The following CUL5 variants were observed in gnomAD, a reference collection of about 807,000 sequenced individuals.
The protein encoded by CUL5 is cullin-5.
CUL5 carries 26 observed loss-of-function variants against 108.8 expected under a neutral mutation model. That is an observed-to-expected ratio of 0.24 (90% CI 0.18 to 0.33). The LOEUF (loss-of-function observed/expected upper bound fraction) is 0.33. CUL5 is among the 10% of genes least tolerant of loss of function. The pLI, the probability that CUL5 is intolerant of heterozygous loss-of-function variation, is 1.00. For synonymous variants in CUL5, 334 were observed against 298.0 expected (o/e 1.12, Z -1.25); for missense variants, 524 against 909.2 (o/e 0.58, Z 5.45).
intron 16 of CUL5, among the ~76,000 whole-genome samples, chr11:108,096,599 T>C (rs1864505912): frequency 1.7e-5 from 2 of 118,192 alleles, no homozygotes; most frequent in East Asian, 2.7e-4. Flanking sequence ...TTTGAGACAC[T>C]CTTGTCGCTC....
intron 1 of CUL5, among the ~76,000 whole-genome samples, chr11:108,026,716 C>T (rs1314330921): frequency 3.9e-5 from 6 of 152,080 alleles, no homozygotes; most frequent in Non-Finnish European, 8.8e-5. Context: ...TTTGGCCAGG[C>T]GCAGTGGCTC....
chr11:108,075,343 A>C (rs913866713), intron 10 of CUL5, among the ~76,000 whole-genome samples: 2 of 152,168 alleles, frequency 1.3e-5, no homozygotes, highest in African/African-American at 4.8e-5. Flanking sequence ...TCACCTATCA[A>C]GTGTTGAGTT....
At chr11:108,046,126 G>A (rs1863061841) in intron 2 of CUL5, 144 bp from the exon 3 acceptor site, 5 of 474,222 alleles carry the variant, frequency 1.1e-5, no homozygotes, top group South Asian at 1.0e-4. Flanking sequence ...AATTACAAGC[G>A]TACTTGGTTT....
chr11:108,069,996 AT>A (rs975727844), intron 7 of CUL5, 99 bp from the exon 8 acceptor site: 3,102 of 590,040 alleles, frequency 5.3e-3, no homozygotes, highest in South Asian at 7.1e-3. Context: ...TTTCAGTATA[AT>A]TTTTTTTTTG....
At chr11:108,044,143 A>G (rs1448335350) in intron 2 of CUL5, among the ~76,000 whole-genome samples, 1 of 152,210 alleles carries the variant, frequency 6.6e-6, no homozygotes, top group Non-Finnish European at 1.5e-5. Flanking sequence ...AGATACCATT[A>G]TCAAGCTGAA....
chr11:108,022,934 T>C (rs1444002104), intron 1 of CUL5, among the ~76,000 whole-genome samples: 1 of 152,242 alleles, frequency 6.6e-6, no homozygotes, highest in East Asian at 1.9e-4. Flanking sequence ...TGAGAGCCTT[T>C]CTTGGATATA....
At chr11:108,015,725 G>A (rs890729529) in intron 1 of CUL5, among the ~76,000 whole-genome samples, 8 of 152,286 alleles carry the variant, frequency 5.3e-5, no homozygotes, top group African/African-American at 1.9e-4. Flanking sequence ...AATCTTTCAT[G>A]TTCTATGAAA....
rs755407863 is a variant in CUL5 at position 108,088,515 on chromosome 11, T to A, written c.1179-12T>A. The stretch of plus-strand genomic sequence containing the variant: ...TCATTTTTCCATCAACTGCTTTTAA[T>A]TTGTTTTTTAGGGTGGGATTAAAAA... On this transcript the variant is annotated splice_polypyrimidine_tract_variant and intron_variant, in intron 11 of 18. Transcript: ENST00000393094. 6.3e-7 allele frequency: 1 copy of A among 1,577,428 alleles called. No individual in the cohort carries two copies. Among genetic ancestry groups the A allele is most frequent in the Admixed American group, 2.1e-5 (1 of 47,956 alleles).
At chr11:108,075,393 A>G (rs757790820) in intron 10 of CUL5, among the ~76,000 whole-genome samples, 1 of 152,190 alleles carries the variant, frequency 6.6e-6, no homozygotes, top group Non-Finnish European at 1.5e-5. Context: ...GGCAACACAT[A>G]TTTCTGCAGT....
In CUL5 at chr11:108,068,314, TTTTTG is replaced by T. The variant is rs10691695; in HGVS notation, c.781-1760_781-1756del. Reference sequence around the variant, plus strand: ...GTAGAGGAGCCTGAAAAAACCTTTTTTTTTGTTTTGTTTTGTTTTGTTTTGTGACA... The same window carrying T: ...GTAGAGGAGCCTGAAAAAACCTTTTTTTTTGTTTTGTTTTGTTTTGTGACA... On this transcript the variant is annotated intron_variant, in intron 7 of 18. Transcript: ENST00000393094. Among the ~76,000 whole-genome samples, 15 of 152,046 alleles carry T rather than the reference TTTTTG, an allele frequency of 9.9e-5. No homozygotes were observed. In the South Asian group the frequency reaches 1.5e-3, roughly 15 times the overall value.
intron 4 of CUL5, among the ~76,000 whole-genome samples, chr11:108,052,350 T>C (rs1863248558): frequency 6.6e-6 from 1 of 152,176 alleles, no homozygotes; most frequent in Admixed American, 6.5e-5. Flanking sequence ...GGTCTTACTC[T>C]GTCACCCAGG....
intron 10 of CUL5, among the ~76,000 whole-genome samples, chr11:108,076,220 G>T (rs917624363): frequency 6.6e-5 from 10 of 151,924 alleles, no homozygotes; most frequent in African/African-American, 1.2e-4. Context: ...TTTTTGTAGA[G>T]ATGAGTTCTC....
intron 7 of CUL5, among the ~76,000 whole-genome samples, chr11:108,064,575 T>G (rs896295122): frequency 4.0e-5 from 6 of 151,854 alleles, no homozygotes; most frequent in African/African-American, 1.5e-4. Flanking sequence ...GCGGGCGAGG[T>G]GTCAGGTGCC....
At chr11:108,040,065 T>TTCTG (rs1378315584) in intron 2 of CUL5, among the ~76,000 whole-genome samples, 1 of 152,258 alleles carries the variant, frequency 6.6e-6, no homozygotes, top group Non-Finnish European at 1.5e-5. Context: ...TTCCTGTCGC[T>TTCTG]TCTGTCTGCC....
intron 10 of CUL5, among the ~76,000 whole-genome samples, chr11:108,077,819 C>T (rs764282689): frequency 6.6e-6 from 1 of 151,802 alleles, no homozygotes; most frequent in Non-Finnish European, 1.5e-5. Context: ...GTGGTGGGCA[C>T]CTATAATCCC....
chr11:108,022,304 G>A (rs1372907492), intron 1 of CUL5, among the ~76,000 whole-genome samples: 1 of 152,050 alleles, frequency 6.6e-6, no homozygotes, highest in Non-Finnish European at 1.5e-5. Flanking sequence ...ATTTAAAAAT[G>A]ATTCTATTGA....
chr11:108,073,201 C>CAAA (rs371051952), intron 9 of CUL5, among the ~76,000 whole-genome samples, 189 bp from the exon 10 acceptor site: 1 of 100,346 alleles, frequency 1.0e-5, no homozygotes, highest in Non-Finnish European at 2.1e-5. Flanking sequence ...GACTCCGTCT[C>CAAA]AAAAAAAAAA....
At chr11:108,020,668 C>T (rs1862307275) in intron 1 of CUL5, among the ~76,000 whole-genome samples, 1 of 151,934 alleles carries the variant, frequency 6.6e-6, no homozygotes, top group Admixed American at 6.6e-5. Flanking sequence ...AGGCGTGAGC[C>T]ACTGTGCCTG....
intron 7 of CUL5, among the ~76,000 whole-genome samples, chr11:108,063,548 A>G (rs997214732): frequency 5.8e-4 from 88 of 151,416 alleles, no homozygotes; most frequent in African/African-American, 2.0e-3. Context: ...CATGTACCCT[A>G]AAACTTAAAG....
Sources: gnomAD v4.1 joint callset for allele counts (sites outside exome capture counted in the v4.1 genomes callset) on GRCh38, gnomAD v4.1.1 for gene constraint, MANE v1.5 for transcripts, NCBI Gene and HGNC (gene_info 2026-07-23, HGNC 2026-07-21) for gene names.